The following INPP4B variants were observed in gnomAD, a reference collection of about 807,000 sequenced individuals.
The protein encoded by INPP4B is inositol polyphosphate-4-phosphatase type II B.
Under a neutral mutation model 122.5 loss-of-function variants are expected in INPP4B, and 55 were observed. That is an observed-to-expected ratio of 0.45 (90% CI 0.36 to 0.56). INPP4B has a LOEUF of 0.56. Among genes scored for constraint, INPP4B ranks in the 20% least tolerant of loss-of-function variants. INPP4B has a pLI of 0.00. For missense variants in INPP4B, 1,000 were observed against 1,097.7 expected, an observed-to-expected ratio of 0.91 and a Z score of 1.26; for synonymous variants, 403 against 388.7, an observed-to-expected ratio of 1.04 and a Z score of -0.43.
intron 7 of INPP4B, among the ~76,000 whole-genome samples, chr4:142,399,287 C>T (rs1248102986): frequency 6.8e-6 from 1 of 147,916 alleles, no homozygotes; most frequent in Non-Finnish European, 1.5e-5. Flanking sequence ...ACCTCTGCCT[C>T]CCAAGTTCAA....
intron 18 of INPP4B, among the ~76,000 whole-genome samples, chr4:142,140,103 A>C (rs1375082442): frequency 6.6e-6 from 1 of 152,250 alleles, no homozygotes. Flanking sequence ...TTTCAAGCAA[A>C]AAAGGACATG....
intron 2 of INPP4B, chr4:142,654,660 T>C (rs1753794462): frequency 6.6e-6 from 1 of 152,228 alleles, no homozygotes; most frequent in African/African-American, 2.4e-5. Flanking sequence ...AGTCACTCCT[T>C]CCCTGAATAG....
At chr4:142,041,716 C>T (rs1747686757) in intron 25 of INPP4B, among the ~76,000 whole-genome samples, 1 of 152,254 alleles carries the variant, frequency 6.6e-6, no homozygotes, top group East Asian at 1.9e-4. Context: ...TGCCATTGCT[C>T]AGTTCTGGCT....
intron 2 of INPP4B, among the ~76,000 whole-genome samples, chr4:142,586,329 C>A (rs1736200880): frequency 6.6e-6 from 1 of 151,718 alleles, no homozygotes; most frequent in African/African-American, 2.4e-5. Flanking sequence ...AACAAAACAA[C>A]AAAAACAACA....
At chr4:142,577,733 A>G (rs896089496) in intron 2 of INPP4B, among the ~76,000 whole-genome samples, 4 of 151,958 alleles carry the variant, frequency 2.6e-5, no homozygotes, top group African/African-American at 4.8e-5. Flanking sequence ...GTCATATAGA[A>G]TAGTGCCTTG....
At chr4:142,093,750 T>G (rs1780601138) in intron 23 of INPP4B, among the ~76,000 whole-genome samples, 1 of 152,150 alleles carries the variant, frequency 6.6e-6, no homozygotes, top group Non-Finnish European at 1.5e-5. Context: ...AAATTGCATT[T>G]CCAATTTTCA....
At chr4:142,498,359 A>T (rs1306829026) in intron 2 of INPP4B, among the ~76,000 whole-genome samples, 1 of 152,060 alleles carries the variant, frequency 6.6e-6, no homozygotes, top group Admixed American at 6.6e-5. Context: ...GGTAAAAGTC[A>T]TTTACCACAA....
chr4:142,053,389 G>A (rs1044317595), intron 25 of INPP4B, among the ~76,000 whole-genome samples: 1 of 152,082 alleles, frequency 6.6e-6, no homozygotes, highest in African/African-American at 2.4e-5. Context: ...ATGGTGGTGA[G>A]GCTGGATCTA....
chr4:142,793,479 A>C (rs989955274), intron 1 of INPP4B, among the ~76,000 whole-genome samples: 1 of 152,120 alleles, frequency 6.6e-6, no homozygotes, highest in Non-Finnish European at 1.5e-5. Flanking sequence ...AAAGCAAATG[A>C]CATGCTTGTT....
At chr4:142,289,204 T>G (rs1418336367) in intron 9 of INPP4B, among the ~76,000 whole-genome samples, 1 of 152,198 alleles carries the variant, frequency 6.6e-6, no homozygotes, top group Non-Finnish European at 1.5e-5. Context: ...TTTTTCTCTC[T>G]TATTTCCTCT....
At chr4:142,783,476 T>C (rs1561064538) in intron 1 of INPP4B, among the ~76,000 whole-genome samples, 2 of 152,140 alleles carry the variant, frequency 1.3e-5, no homozygotes, top group Non-Finnish European at 2.9e-5. Context: ...TCTTCCATAT[T>C]GGCAATATTT....
At chr4:142,171,018 T>C (rs957466558) in intron 16 of INPP4B, among the ~76,000 whole-genome samples, 10 of 151,762 alleles carry the variant, frequency 6.6e-5, no homozygotes, top group Non-Finnish European at 1.5e-4. Context: ...TCCTGGAATA[T>C]GCCCTCTCAG....
intron 2 of INPP4B, among the ~76,000 whole-genome samples, chr4:142,627,170 T>C (rs1028051587): frequency 2.0e-5 from 3 of 152,172 alleles, no homozygotes; most frequent in Admixed American, 1.3e-4. Flanking sequence ...AATTGTTCTT[T>C]ATAGATATAC....
At chr4:142,526,932 T>G (rs1380258410) in intron 2 of INPP4B, among the ~76,000 whole-genome samples, 1 of 152,070 alleles carries the variant, frequency 6.6e-6, no homozygotes, top group Admixed American at 6.6e-5. Flanking sequence ...ATTTCAAATA[T>G]TTTAGACAGA....
chr4:142,549,578 T>C (rs1727480131), intron 2 of INPP4B, among the ~76,000 whole-genome samples: 1 of 152,134 alleles, frequency 6.6e-6, no homozygotes, highest in Non-Finnish European at 1.5e-5. Context: ...AAGATGTCTT[T>C]ACCTTCTCCA....
intron 5 of INPP4B, among the ~76,000 whole-genome samples, chr4:142,420,072 T>A (rs1806542595): frequency 1.3e-5 from 2 of 152,000 alleles, no homozygotes; most frequent in Admixed American, 1.3e-4. Context: ...ATAAACTGTA[T>A]GGGATATGTT....
intron 14 of INPP4B, among the ~76,000 whole-genome samples, chr4:142,201,929 G>A (rs1840783883): frequency 6.6e-6 from 1 of 151,910 alleles, no homozygotes; most frequent in African/African-American, 2.4e-5. Context: ...CCTTAGCTGT[G>A]TAATAAAAGT....
rs142428706 is a variant in INPP4B, at chr4:142,824,545, C to T, written c.-254+21664G>A. Among the ~76,000 whole-genome samples, 3 of 152,216 alleles carry T rather than the reference C, an allele frequency of 2.0e-5. No homozygotes were observed. The East Asian group carries it at 5.8e-4, about 29-fold the overall frequency. The stretch of plus-strand genomic sequence containing the variant: ...GAGTTAACCATAACTGTAATTCTAA[C>T]TCCAAGAGCTATGGCTTTTCTGGTA... On this transcript the variant is annotated intron_variant, in intron 1 of 25. Coordinates refer to ENST00000262992, the MANE Select transcript of INPP4B (RefSeq NM_001101669.3).
At chr4:142,640,460 AG>A (rs544364041) in intron 2 of INPP4B, among the ~76,000 whole-genome samples, 139 of 152,148 alleles carry the variant, frequency 9.1e-4, no homozygotes, top group Non-Finnish European at 1.4e-3. Flanking sequence ...TATTTGTACT[AG>A]GACAGTTGGA....
Sources: gnomAD v4.1 joint callset for allele counts (sites outside exome capture counted in the v4.1 genomes callset) on GRCh38, gnomAD v4.1.1 for gene constraint, MANE v1.5 for transcripts, NCBI Gene and HGNC (gene_info 2026-07-23, HGNC 2026-07-21) for gene names.